AFAP1: variants seen among roughly 807,000 people sequenced by gnomAD.
AFAP1 encodes actin filament associated protein 1, also known as actin filament-associated protein 1.
In AFAP1, 75 loss-of-function variants were observed where a neutral mutation model predicts 93.9. The ratio of observed to expected loss-of-function variants is 0.80; its 90% CI spans 0.66 to 0.97. AFAP1 has a LOEUF of 0.97. AFAP1 is among the 50% of genes least tolerant of loss of function. The probability of loss-of-function intolerance (pLI) is 0.00; values close to 1 mark genes in which losing one functional copy is unlikely to be tolerated. For missense variants in AFAP1, 1,201 were observed against 1,050.8 expected (o/e 1.14, Z -1.98); for synonymous variants, 517 against 430.7 (o/e 1.20, Z -2.48).
intron 4 of AFAP1, among the ~76,000 whole-genome samples, chr4:7,849,515 G>T (rs991286331): frequency 4.6e-5 from 7 of 152,194 alleles, no homozygotes; most frequent in Non-Finnish European, 1.0e-4. Flanking sequence ...TCACACTCGG[G>T]TGAGGGGGAA....
chr4:7,915,993 C>G (rs543811650), intron 1 of AFAP1, among the ~76,000 whole-genome samples: 1 of 137,942 alleles, frequency 7.2e-6, no homozygotes, highest in Admixed American at 7.5e-5. Context: ...AAGTTCTAGT[C>G]CAGGGCTCAT....
At chr4:7,844,353 C>T (rs1713431373) in intron 4 of AFAP1, among the ~76,000 whole-genome samples, 1 of 152,144 alleles carries the variant, frequency 6.6e-6, no homozygotes. Context: ...ATCTAAAAGC[C>T]AGGAAGAGGC....
intron 4 of AFAP1, among the ~76,000 whole-genome samples, chr4:7,847,939 G>A (rs931482089): frequency 2.0e-5 from 3 of 151,842 alleles, no homozygotes; most frequent in African/African-American, 4.8e-5. Flanking sequence ...AATGCTCTTT[G>A]TATCAGTCAG....
intron 11 of AFAP1, among the ~76,000 whole-genome samples, chr4:7,791,899 G>A (rs139232675): frequency 6.0e-4 from 90 of 151,230 alleles, no homozygotes; most frequent in African/African-American, 2.0e-3. Context: ...AAACCAAAAC[G>A]TGGCAGAGTG....
intron 1 of AFAP1, among the ~76,000 whole-genome samples, chr4:7,934,885 T>G (rs1398230323): frequency 6.6e-6 from 1 of 152,248 alleles, no homozygotes; most frequent in Non-Finnish European, 1.5e-5. Context: ...ATTCATTACT[T>G]CATTTTTTAC....
chr4:7,798,345 TCACAG>T (rs1718673701), intron 10 of AFAP1, among the ~76,000 whole-genome samples: 1 of 147,046 alleles, frequency 6.8e-6, no homozygotes. Flanking sequence ...ATTGGCTGGC[TCACAG>T]CACTGCAACT....
chr4:7,894,701 G>A (rs1377996374), intron 1 of AFAP1, among the ~76,000 whole-genome samples: 1 of 152,092 alleles, frequency 6.6e-6, no homozygotes, highest in East Asian at 1.9e-4. Flanking sequence ...CCAGCCCTTC[G>A]CATCATGTGA....
chr4:7,890,727 A>G (rs1718423378), intron 1 of AFAP1, among the ~76,000 whole-genome samples: 1 of 152,226 alleles, frequency 6.6e-6, no homozygotes, highest in Non-Finnish European at 1.5e-5. Flanking sequence ...AATGCAAATT[A>G]AAATCACAAT....
chr4:7,763,525 T>C lies in AFAP1; in HGVS notation c.*240A>G. ...ATCCTTTCAAACACCTTTCCATCAC[T>C]TTTTTTGTTTTTTAACAAAGTTGGG... On this transcript the variant is annotated 3_prime_UTR_variant, in exon 18 of 18. Coordinates refer to ENST00000420658, the MANE Select transcript of AFAP1 (RefSeq NM_001134647.2). The C allele has an allele frequency of 1.8e-6, 1 of 544,248 alleles. No homozygotes were observed. Among genetic ancestry groups the C allele is most frequent in the Non-Finnish European group, 3.2e-6 (1 of 308,336 alleles). The allele number at this position is 544,248 out of a possible 1,614,324, so 33.7% of individuals were successfully genotyped here. A position where few individuals can be genotyped will look rare whatever the true frequency, so the allele number is the denominator to read the frequency against.
Position 7,759,317 on chromosome 4 carries a change from T to G in AFAP1, c.*4448A>C, listed in dbSNP as rs1242431020. On this transcript the variant is annotated 3_prime_UTR_variant, in exon 18 of 18. Coordinates refer to ENST00000420658, the MANE Select transcript of AFAP1 (RefSeq NM_001134647.2). ...TGTGCACGGTGAAGTTGAGATTTTC[T>G]GGAAGACCAAAGCCGGAACTATTTC... 11 of 152,668 alleles carry G rather than the reference T, an allele frequency of 7.2e-5. No homozygotes were observed. Among genetic ancestry groups the G allele is most frequent in the Non-Finnish European group, 5.9e-5 (4 of 68,048 alleles). 9.5% of individuals were successfully genotyped at this position (152,668 alleles called of 1,614,324 possible). A position where few individuals can be genotyped will look rare whatever the true frequency, so the allele number is the denominator to read the frequency against.
chr4:7,818,551 T>C (rs1279801274), intron 7 of AFAP1, among the ~76,000 whole-genome samples: 1 of 152,158 alleles, frequency 6.6e-6, no homozygotes, highest in Admixed American at 6.5e-5. Context: ...GCAAAGTGCA[T>C]GCAGAGCAGG....
chr4:7,794,978 GA>G (rs1205253440), intron 10 of AFAP1, among the ~76,000 whole-genome samples: 6 of 151,956 alleles, frequency 3.9e-5, no homozygotes, highest in African/African-American at 9.6e-5. Flanking sequence ...GAATGTTGAA[GA>G]AAAAAATTTA....
chr4:7,939,303 G>T lies in AFAP1; in HGVS notation c.-3+353C>A. 3.2e-6 allele frequency: 1 copy of T among 310,364 alleles called. No individual in the cohort carries two copies. Among genetic ancestry groups the T allele is most frequent in the South Asian group, 2.4e-5 (1 of 41,856 alleles). 19.2% of individuals were successfully genotyped at this position (310,364 alleles called of 1,614,324 possible). On this transcript the variant is annotated intron_variant, in intron 1 of 17. Coordinates refer to ENST00000420658, the MANE Select transcript of AFAP1 (RefSeq NM_001134647.2). The surrounding 1 kb of genome is among the most constrained non-coding windows in gnomAD (Gnocchi z 5.6). ...GGAGCCTCCCACTCTTGGTGACCCG[G>T]ACCCCGCCCCACGAGTGGGTCTTCG...
At chr4:7,909,341 G>T (rs1477086215) in intron 1 of AFAP1, among the ~76,000 whole-genome samples, 1 of 152,178 alleles carries the variant, frequency 6.6e-6, no homozygotes, top group Non-Finnish European at 1.5e-5. Context: ...TGACTCCATA[G>T]CCCTTGCTTA....
At chr4:7,934,829 A>G (rs758746856) in intron 1 of AFAP1, among the ~76,000 whole-genome samples, 1 of 152,244 alleles carries the variant, frequency 6.6e-6, no homozygotes, top group African/African-American at 2.4e-5. Flanking sequence ...CTGCAATGTC[A>G]AGAAATTACG....
intron 1 of AFAP1, among the ~76,000 whole-genome samples, chr4:7,889,542 CA>C (rs576725041): frequency 4.4e-3 from 265 of 60,658 alleles, no homozygotes; most frequent in Non-Finnish European, 7.0e-3. Flanking sequence ...AACTCCATCC[CA>C]AAAAAAAAAA....
intron 1 of AFAP1, among the ~76,000 whole-genome samples, chr4:7,874,043 C>T (rs1717306002): frequency 1.3e-5 from 2 of 152,202 alleles, no homozygotes; most frequent in Non-Finnish European, 1.5e-5. Context: ...TCAGCAGTGA[C>T]ATGAACAAAT....
chr4:7,907,855 C>T (rs1212269192), intron 1 of AFAP1, among the ~76,000 whole-genome samples: 1 of 152,088 alleles, frequency 6.6e-6, no homozygotes, highest in Non-Finnish European at 1.5e-5. Context: ...TGAGCAAAGC[C>T]ATTTAATCCA....
rs149011401 is a variant in AFAP1 at position 7,934,897 on chromosome 4, C to T, written c.-3+4759G>A. 7.9e-5 allele frequency among the ~76,000 whole-genome samples: 12 copies of T among 152,276 alleles called. No individual in the cohort carries two copies. In the South Asian group the frequency reaches 1.0e-3, roughly 13 times the overall value. On this transcript the variant is annotated intron_variant, in intron 1 of 17. Coordinates refer to ENST00000420658, the MANE Select transcript of AFAP1 (RefSeq NM_001134647.2). ...GACATTCATTACTTCATTTTTTACA[C>T]GGGAATGTAAATAATTGAAGAGATT...
Sources: gnomAD v4.1 joint callset for allele counts (sites outside exome capture counted in the v4.1 genomes callset) on GRCh38, gnomAD v4.1.1 for gene constraint, Gnocchi (gnomAD v3.1) non-coding constraint, MANE v1.5 for transcripts, NCBI Gene and HGNC (gene_info 2026-07-23, HGNC 2026-07-21) for gene names.